NAV1: variants seen among roughly 807,000 people sequenced by gnomAD.
NAV1 encodes the protein pore membrane and/or filament interacting like protein 3.
In NAV1, 18 loss-of-function variants were observed where a neutral mutation model predicts 175.2. The observed-to-expected ratio is 0.10, with a 90% CI of 0.07 to 0.15. The LOEUF is 0.15. Among genes scored for constraint, NAV1 ranks in the 10% least tolerant of loss-of-function variants. The pLI, the probability that NAV1 is intolerant of heterozygous loss-of-function variation, is 1.00. For missense variants in NAV1, 1,731 were observed against 2,436.6 expected (o/e 0.71, Z 6.10); for synonymous variants, 897 against 978.7 (o/e 0.92, Z 1.56).
At chr1:201,780,003 T>TA (rs2102704035) in intron 3 of NAV1, among the ~76,000 whole-genome samples, 1 of 152,248 alleles carries the variant, frequency 6.6e-6, no homozygotes, top group East Asian at 1.9e-4. Flanking sequence ...CATTACCAGT[T>TA]ATAGACATTT....
At chr1:201,702,672 T>TTCTCTCTCTC (rs756726434) in intron 1 of NAV1, among the ~76,000 whole-genome samples, 1 of 1,716 alleles carries the variant, frequency 5.8e-4, no homozygotes, top group African/African-American at 7.6e-4. Context: ...GGTATGTGAA[T>TTCTCTCTCTC]TCTCTCTCTC....
chr1:201,770,930 C>T (rs1024996239), intron 3 of NAV1, among the ~76,000 whole-genome samples: 1 of 152,136 alleles, frequency 6.6e-6, no homozygotes, highest in Non-Finnish European at 1.5e-5. Context: ...CAGTACAGTA[C>T]AGTGGAACCT....
In NAV1 at chr1:201,575,890, A is replaced by G. The variant is rs187523355; in HGVS notation, c.-143-12649A>G. Among the ~76,000 whole-genome samples the G allele has an allele frequency of 2.0e-5, 3 of 152,192 alleles. No individual in the cohort carries two copies. The East Asian group carries it at 5.8e-4, about 29-fold the overall frequency. On this transcript the variant is annotated intron_variant, in intron 1 of 33. Coordinates refer to the NAV1 transcript ENST00000685211. ...CCTGATTTCCTGTGTTCTTTCACTT[A>G]CTCAATTATTTATTCGTGCATGCTT...
At chr1:201,586,840 A>G (rs903749855) in intron 1 of NAV1, among the ~76,000 whole-genome samples, 2 of 152,216 alleles carry the variant, frequency 1.3e-5, no homozygotes, top group Non-Finnish European at 2.9e-5. Context: ...TAGACCTTCA[A>G]AACACAAATT....
chr1:201,669,831 A>G (rs1669966624), intron 1 of NAV1, among the ~76,000 whole-genome samples: 1 of 152,174 alleles, frequency 6.6e-6, no homozygotes, highest in African/African-American at 2.4e-5. Context: ...AGAACTGACC[A>G]GGGATTCCCC....
exon 30 of NAV1, chr1:201,821,655 T>G (rs1382057351): frequency 6.6e-6 from 1 of 152,162 alleles, no homozygotes; most frequent in African/African-American, 2.4e-5. Flanking sequence ...GAAATGTAGC[T>G]GAAACCCAAG....
intron 1 of NAV1, among the ~76,000 whole-genome samples, chr1:201,680,247 C>T (rs556433033): frequency 3.9e-5 from 6 of 152,256 alleles, no homozygotes; most frequent in African/African-American, 1.2e-4. Flanking sequence ...CGGTGGCTCA[C>T]GCCTGTAATC....
At chr1:201,661,072 CA>C (rs1375396305) in intron 1 of NAV1, among the ~76,000 whole-genome samples, 1 of 152,156 alleles carries the variant, frequency 6.6e-6, no homozygotes, top group Non-Finnish European at 1.5e-5. Flanking sequence ...CAACTTACCC[CA>C]AAGGAATGTG....
intron 1 of NAV1, among the ~76,000 whole-genome samples, chr1:201,568,719 A>G (rs1666439342): frequency 6.6e-6 from 1 of 152,184 alleles, no homozygotes; most frequent in East Asian, 1.9e-4. Flanking sequence ...TAATATATAA[A>G]CAATGCGTGT....
chr1:201,546,803 C>T (rs1468702401), intron 1 of NAV1, among the ~76,000 whole-genome samples: 2 of 149,954 alleles, frequency 1.3e-5, no homozygotes, highest in Non-Finnish European at 3.0e-5. Flanking sequence ...ACTCAGGGGG[C>T]TGAGGCAGGA....
At chr1:201,780,603 C>T (rs764836995) in intron 4 of NAV1, 44 bp downstream of exon 8, 3 of 1,612,750 alleles carry the variant, frequency 1.9e-6, no homozygotes, top group East Asian at 2.2e-5. Flanking sequence ...TCAAGATGAA[C>T]CACAGGGCAA....
chr1:201,761,702 G>A (rs774248501), intron 3 of NAV1, among the ~76,000 whole-genome samples: 6 of 152,192 alleles, frequency 3.9e-5, no homozygotes, highest in African/African-American at 1.2e-4. Flanking sequence ...AATGGTTTTT[G>A]CTTCTGTCAA....
At chr1:201,824,760 T>C (rs1679579184) in exon 30 of NAV1, 1 of 152,090 alleles carries the variant, frequency 6.6e-6, no homozygotes, top group Non-Finnish European at 1.5e-5. Flanking sequence ...TCTCATTCCT[T>C]AAAGCAGTGG....
rs372372364 is a variant in NAV1 at position 201,810,578 on chromosome 1, G to C, written c.4617G>C (p.Pro1539=). 5 of 1,613,840 alleles carry C rather than the reference G, an allele frequency of 3.1e-6. No individual in the cohort carries two copies. In the Admixed American group the frequency reaches 5.0e-5, roughly 16 times the overall value. Reference sequence around the variant, plus strand: ...TGTTCGAGACGCTGATCCCCAAGCCGATGATGCAGCACTACATAAGCCTCC... The same window carrying C: ...TGTTCGAGACGCTGATCCCCAAGCCCATGATGCAGCACTACATAAGCCTCC... The change falls in exon 24 of 30, where the codon CCG becomes CCC. Residue 1539 remains proline, a synonymous_variant. Transcript: ENST00000367296. The surrounding 1 kb of genome is among the most constrained non-coding windows in gnomAD (Gnocchi z 6.0).
chr1:201,804,460 G>A, intron 16 of NAV1, 29 bp from the exon 21 acceptor site: 1 of 1,530,920 alleles, frequency 6.5e-7, no homozygotes, highest in Non-Finnish European at 8.8e-7. Flanking sequence ...CCTTCAAAAT[G>A]CTGACTCCAA....
At chr1:201,560,977 A>C (rs937229760) in intron 1 of NAV1, among the ~76,000 whole-genome samples, 1 of 152,240 alleles carries the variant, frequency 6.6e-6, no homozygotes, top group South Asian at 2.1e-4. Context: ...AGTGGCGTGC[A>C]GCAGTCGCTA....
rs1673335711 is a variant in NAV1, at chr1:201,740,346, G to A, written c.1226+21591G>A. On this transcript the variant is annotated intron_variant, in intron 3 of 29. Transcript: ENST00000367296. The surrounding 1 kb of genome is among the most constrained non-coding windows in gnomAD (Gnocchi z 4.7). ...GGGTGTGTGGAGGGCTCTAGGGAGT[G>A]GAAAGGGAAGGAAAGGAGCTTAGGC... Among the ~76,000 whole-genome samples the A allele has an allele frequency of 6.6e-6, 1 of 152,208 alleles. No homozygotes were observed.
chr1:201,589,384 G>A (rs530254255), intron 2 of NAV1, among the ~76,000 whole-genome samples: 3 of 152,288 alleles, frequency 2.0e-5, no homozygotes, highest in African/African-American at 7.2e-5. Flanking sequence ...CATAAAATGG[G>A]GATAGTAATA....
intron 3 of NAV1, among the ~76,000 whole-genome samples, chr1:201,734,511 A>AAGG (rs1281573123): frequency 6.6e-6 from 1 of 151,228 alleles, no homozygotes; most frequent in Admixed American, 6.6e-5. Context: ...GAAGAAGAAG[A>AAGG]AGAAGAAGAA....
Sources: gnomAD v4.1 joint callset for allele counts (sites outside exome capture counted in the v4.1 genomes callset) on GRCh38, gnomAD v4.1.1 for gene constraint, Gnocchi (gnomAD v3.1) non-coding constraint, MANE v1.5 for transcripts, NCBI Gene and HGNC (gene_info 2026-07-23, HGNC 2026-07-21) for gene names.